The following CSNK1G1 variants were observed in gnomAD, a reference collection of about 807,000 sequenced individuals.
The protein encoded by CSNK1G1 is casein kinase 1 gamma 1, also known as casein kinase I isoform gamma-1.
CSNK1G1 carries 22 observed loss-of-function variants against 59.6 expected under a neutral mutation model. The observed-to-expected ratio is 0.37, with a 90% CI of 0.26 to 0.53. The LOEUF is 0.53. CSNK1G1 is among the 20% of genes least tolerant of loss of function. CSNK1G1 has a pLI of 0.89. For synonymous variants in CSNK1G1, 179 were observed against 177.1 expected, an observed-to-expected ratio of 1.01 and a Z score of -0.08; for missense variants, 384 against 519.5, an observed-to-expected ratio of 0.74 and a Z score of 2.54.
chr15:64,208,869 T>C (rs193106230), intron 6 of CSNK1G1, among the ~76,000 whole-genome samples: 1 of 152,104 alleles, frequency 6.6e-6, no homozygotes, highest in East Asian at 1.9e-4. Context: ...AATTATGGTT[T>C]AGTCTCAGAT....
In CSNK1G1 at chr15:64,275,001, G is replaced by A. The variant is rs1190121317; in HGVS notation, c.182-15760C>T. Among the ~76,000 whole-genome samples the A allele has an allele frequency of 2.0e-5, 3 of 152,300 alleles. No homozygotes were observed. The East Asian group carries it at 5.8e-4, about 29-fold the overall frequency. On this transcript the variant is annotated intron_variant, in intron 2 of 11. Coordinates refer to ENST00000303052, the MANE Select transcript of CSNK1G1 (RefSeq NM_022048.5). ...CAGATGATTACCATGTCTATTTAGG[G>A]CAAAGAGGACAGGTTGGCCTATTGC...
chr15:64,193,300 G>C (rs555018375), intron 10 of CSNK1G1, among the ~76,000 whole-genome samples: 2 of 151,998 alleles, frequency 1.3e-5, no homozygotes, highest in East Asian at 3.9e-4. Context: ...GACCATCCTG[G>C]CCAACACGGT....
chr15:64,242,320 G>A (rs773002128), intron 4 of CSNK1G1, among the ~76,000 whole-genome samples: 14 of 152,270 alleles, frequency 9.2e-5, no homozygotes, highest in Admixed American at 3.9e-4. Context: ...GGGCTTGGTG[G>A]GAGGTGTTTG....
intron 2 of CSNK1G1, among the ~76,000 whole-genome samples, chr15:64,292,803 C>T (rs1193315531): frequency 6.6e-6 from 1 of 152,096 alleles, no homozygotes; most frequent in East Asian, 1.9e-4. Context: ...TGGCGGGCAC[C>T]TGTAATCCCA....
chr15:64,298,897 G>T (rs1895166386), intron 2 of CSNK1G1, among the ~76,000 whole-genome samples: 1 of 151,852 alleles, frequency 6.6e-6, no homozygotes, highest in Admixed American at 6.6e-5. Context: ...AAATAAGCTG[G>T]GCATGGTGGC....
intron 1 of CSNK1G1, among the ~76,000 whole-genome samples, chr15:64,326,809 G>T (rs1896864522): frequency 6.6e-6 from 1 of 150,950 alleles, no homozygotes; most frequent in African/African-American, 2.4e-5. Flanking sequence ...GCAGGCCAGT[G>T]GGTGCGCGCA....
chr15:64,205,407 A>C (rs1022573051), intron 7 of CSNK1G1, among the ~76,000 whole-genome samples: 2 of 152,246 alleles, frequency 1.3e-5, no homozygotes, highest in Non-Finnish European at 2.9e-5. Flanking sequence ...AACAGAAAAA[A>C]AACAATAACT....
chr15:64,346,474 T>TTTA (rs1897986092), intron 1 of CSNK1G1, among the ~76,000 whole-genome samples: 1 of 142,874 alleles, frequency 7.0e-6, no homozygotes, highest in Non-Finnish European at 1.5e-5. Context: ...TTATTTATTT[T>TTTA]GAGACATAGG....
At chr15:64,281,967 C>A (rs1484245680) in intron 2 of CSNK1G1, among the ~76,000 whole-genome samples, 1 of 151,026 alleles carries the variant, frequency 6.6e-6, no homozygotes, top group Non-Finnish European at 1.5e-5. Context: ...TGCTGCCCAG[C>A]CTGGAGTGTA....
chr15:64,218,881 G>A (rs1228256241), intron 4 of CSNK1G1, among the ~76,000 whole-genome samples: 1 of 126,296 alleles, frequency 7.9e-6, no homozygotes, highest in Non-Finnish European at 1.6e-5. Flanking sequence ...TTTACATGGA[G>A]TTTCACTCTG....
chr15:64,229,902 ATTTTTTTTTTTTTTTTTTTTTT>A (rs533868270), intron 4 of CSNK1G1, among the ~76,000 whole-genome samples: 2,041 of 43,928 alleles, frequency 0.046, 168 homozygotes, highest in African/African-American at 0.15. Context: ...ATGTTTGTAA[ATTTTTTTTTTTTTTTTTTTTTT>A]TTTTTTTTTT....
intron 3 of CSNK1G1, among the ~76,000 whole-genome samples, chr15:64,254,375 C>T (rs372666937): frequency 5.2e-5 from 7 of 135,596 alleles, no homozygotes; most frequent in East Asian, 2.1e-4. Context: ...TTTTTTGAGA[C>T]GGAGTTTCAC....
chr15:64,292,566 T>C (rs932263496), intron 2 of CSNK1G1, among the ~76,000 whole-genome samples: 16 of 152,228 alleles, frequency 1.1e-4, no homozygotes, highest in African/African-American at 3.9e-4. Flanking sequence ...ATTAAAATCA[T>C]ACGCCTGTCT....
intron 2 of CSNK1G1, among the ~76,000 whole-genome samples, chr15:64,261,864 C>T (rs1160374643): frequency 1.3e-5 from 2 of 150,314 alleles, no homozygotes; most frequent in Non-Finnish European, 2.9e-5. Context: ...AATCGCTTGA[C>T]CTGGGAGGCA....
At chr15:64,322,370 A>G (rs537809622) in intron 1 of CSNK1G1, among the ~76,000 whole-genome samples, 5 of 152,148 alleles carry the variant, frequency 3.3e-5, no homozygotes, top group Non-Finnish European at 7.4e-5. Flanking sequence ...TTAAATACAG[A>G]CACGGTCTTA....
At chr15:64,263,264 T>C (rs1442919283) in intron 2 of CSNK1G1, among the ~76,000 whole-genome samples, 1 of 151,750 alleles carries the variant, frequency 6.6e-6, no homozygotes, top group Non-Finnish European at 1.5e-5. Flanking sequence ...TCTCAGCTCA[T>C]TGCAACCTTT....
intron 1 of CSNK1G1, among the ~76,000 whole-genome samples, chr15:64,302,546 A>G (rs1453601445): frequency 6.6e-6 from 1 of 152,230 alleles, no homozygotes; most frequent in Non-Finnish European, 1.5e-5. Context: ...TGAACTTCCT[A>G]CATGAACAAC....
chr15:64,189,255 G>A (rs1159430213), intron 10 of CSNK1G1: 7 of 784,846 alleles, frequency 8.9e-6, no homozygotes, highest in Non-Finnish European at 1.1e-5. Context: ...TTTTCTTCTG[G>A]AAAGCAAAAG....
rs1042212104 is a variant in CSNK1G1, at chr15:64,168,414, G to GTGA, written c.*3514_*3516dup. ...ACCAACTCTTACTGCAGAGACACAA[G>GTGA]TGATACCCTGGTCAAAAGGGAGTAG... On this transcript the variant is annotated 3_prime_UTR_variant, in exon 12 of 12. Transcript: ENST00000303052. The GTGA allele has an allele frequency of 7.9e-5, 12 of 152,352 alleles. No individual in the cohort carries two copies. Among genetic ancestry groups the GTGA allele is most frequent in the African/African-American group, 2.9e-4 (12 of 41,460 alleles). 9.4% of individuals were successfully genotyped at this position (152,352 alleles called of 1,614,324 possible). A position where few individuals can be genotyped will look rare whatever the true frequency, so the allele number is the denominator to read the frequency against.
Sources: gnomAD v4.1 joint callset for allele counts (sites outside exome capture counted in the v4.1 genomes callset) on GRCh38, gnomAD v4.1.1 for gene constraint, MANE v1.5 for transcripts, NCBI Gene and HGNC (gene_info 2026-07-23, HGNC 2026-07-21) for gene names.